CCDC38: variants seen among roughly 807,000 people sequenced by gnomAD.
CCDC38 encodes the protein coiled-coil domain-containing protein 38.
A neutral mutation model predicts 72.8 loss-of-function variants in CCDC38; 69 were observed. That is an observed-to-expected ratio of 0.95 (90% CI 0.78 to 1.16). The LOEUF (loss-of-function observed/expected upper bound fraction) is 1.16, where lower values mean the gene tolerates loss of function less well. CCDC38 is among the 50% of genes most tolerant of loss of function. CCDC38 has a pLI of 0.00. For synonymous variants in CCDC38, 201 were observed against 213.2 expected (o/e 0.94, Z 0.50); for missense variants, 626 against 638.9 (o/e 0.98, Z 0.22).
At chr12:95,941,338 T>C (rs899218205) in intron 1 of CCDC38, among the ~76,000 whole-genome samples, 3 of 152,218 alleles carry the variant, frequency 2.0e-5, no homozygotes, top group African/African-American at 7.2e-5. Context: ...AACACACGAA[T>C]AATAGTAATA....
chr12:95,931,904 C>T (rs539818779), intron 2 of CCDC38, among the ~76,000 whole-genome samples: 1 of 152,106 alleles, frequency 6.6e-6, no homozygotes, highest in Non-Finnish European at 1.5e-5. Flanking sequence ...AAGTGGATAT[C>T]TGAGGAAGAG....
At chr12:95,916,067 T>C (rs1441144579) in intron 4 of CCDC38, among the ~76,000 whole-genome samples, 2 of 152,234 alleles carry the variant, frequency 1.3e-5, no homozygotes, top group African/African-American at 4.8e-5. Flanking sequence ...GTAAATGCTC[T>C]TGATGACCTA....
At chr12:95,881,001 A>C (rs1199311415) in intron 11 of CCDC38, among the ~76,000 whole-genome samples, 2 of 152,090 alleles carry the variant, frequency 1.3e-5, no homozygotes, top group Admixed American at 6.5e-5. Context: ...ATTTTTTAAA[A>C]AGATGACTTG....
chr12:95,887,037 T>A (rs2079767577), intron 10 of CCDC38, among the ~76,000 whole-genome samples: 1 of 152,068 alleles, frequency 6.6e-6, no homozygotes, highest in Non-Finnish European at 1.5e-5. Flanking sequence ...TAACAAAAAT[T>A]AGCTGGGCGT....
At chr12:95,878,753 CTA>C (rs2079665427) in intron 12 of CCDC38, among the ~76,000 whole-genome samples, 1 of 152,120 alleles carries the variant, frequency 6.6e-6, no homozygotes, top group South Asian at 2.1e-4. Context: ...GAGATAGATT[CTA>C]TATATCCCCC....
chr12:95,887,240 A>G (rs756513082), intron 10 of CCDC38, among the ~76,000 whole-genome samples: 1 of 152,112 alleles, frequency 6.6e-6, no homozygotes, highest in Non-Finnish European at 1.5e-5. Context: ...TCTACCATCC[A>G]ATCAGGCATT....
chr12:95,905,628 T>C (rs2079993232), intron 5 of CCDC38, among the ~76,000 whole-genome samples: 1 of 152,258 alleles, frequency 6.6e-6, no homozygotes, highest in Admixed American at 6.5e-5. Flanking sequence ...AGTACATTGT[T>C]ATTTACTCAT....
chr12:95,886,911 G>A (rs7967071), intron 10 of CCDC38, among the ~76,000 whole-genome samples: 19,734 of 152,210 alleles, frequency 0.13, 1,472 homozygotes, highest in South Asian at 0.25. Flanking sequence ...GCGGCCGGGC[G>A]TGGTGGCTCA....
intron 13 of CCDC38, among the ~76,000 whole-genome samples, chr12:95,874,617 T>C (rs2079616542): frequency 6.6e-6 from 1 of 152,092 alleles, no homozygotes. Context: ...GGAAGGGAAG[T>C]TTCAGCCCCA....
At chr12:95,883,295 T>G (rs574844301) in intron 10 of CCDC38, among the ~76,000 whole-genome samples, 4 of 152,324 alleles carry the variant, frequency 2.6e-5, no homozygotes, top group Middle Eastern at 3.4e-3. Context: ...GTCACACTCT[T>G]GTTTAAAACA....
chr12:95,908,288 C>G (rs1247961073), intron 4 of CCDC38, among the ~76,000 whole-genome samples: 1 of 151,140 alleles, frequency 6.6e-6, no homozygotes, highest in East Asian at 2.0e-4. Context: ...AGCGAAACCC[C>G]GTCTCCACCC....
chr12:95,904,242 TA>T (rs1565954793), intron 5 of CCDC38, among the ~76,000 whole-genome samples: 1 of 152,156 alleles, frequency 6.6e-6, no homozygotes, highest in Admixed American at 6.5e-5. Flanking sequence ...CTGCTATAAA[TA>T]AAAAAATAAA....
At chr12:95,890,976 G>GA (rs375989913) in intron 8 of CCDC38, 46 bp from the exon 9 acceptor site, 7 of 1,053,194 alleles carry the variant, frequency 6.6e-6, no homozygotes, top group Admixed American at 1.8e-5. Flanking sequence ...AAGATGGGGG[G>GA]AAAAAAACAC....
At chr12:95,906,954 G>T (rs2080010729) in intron 4 of CCDC38, among the ~76,000 whole-genome samples, 1 of 151,050 alleles carries the variant, frequency 6.6e-6, no homozygotes, top group South Asian at 2.1e-4. Flanking sequence ...GGTTTTCCTA[G>T]GCAGAGGACC....
chr12:95,872,130 T>C (rs1182901334), intron 14 of CCDC38, 125 bp downstream of exon 14: 2 of 796,432 alleles, frequency 2.5e-6, no homozygotes, highest in Non-Finnish European at 4.2e-6. Context: ...AGAGCAGGGC[T>C]GGATTTCATT....
At chr12:95,892,232 CAAAT>C (rs2079835560) in intron 8 of CCDC38, among the ~76,000 whole-genome samples, 1 of 150,010 alleles carries the variant, frequency 6.7e-6, no homozygotes, top group South Asian at 2.1e-4. Flanking sequence ...GTTGAAAGTG[CAAAT>C]CATCCCCTTT....
rs2079817313 is a variant in CCDC38, at chr12:95,890,841, C to G, written c.862G>C (p.Asp288His). ...VLSEDASQGRDSQGKPSRSLT... is the reference protein window; with the variant it reads ...VLSEDASQGRHSQGKPSRSLT... ...CCAAATCTACCTTTACCTTGGCTGT[C>G]TCTTCCCTGAGAAGCATCTTCTGAA... is the stretch of plus-strand genomic sequence containing the variant. The change falls in exon 9 of 16, where the codon GAC becomes CAC. Residue 288 changes from aspartate to histidine, a missense_variant. Coordinates refer to ENST00000344280, the MANE Select transcript of CCDC38 (RefSeq NM_182496.3). 2 of 1,595,430 alleles carry G rather than the reference C, an allele frequency of 1.3e-6. No homozygotes were observed. The highest frequency in any genetic ancestry group is 1.7e-6 in the Non-Finnish European group (2 of 1,165,342).
intron 4 of CCDC38, among the ~76,000 whole-genome samples, chr12:95,908,779 T>C (rs921100858): frequency 4.6e-5 from 7 of 151,792 alleles, no homozygotes; most frequent in South Asian, 2.1e-4. Context: ...GTTTGGCCAA[T>C]CTACACATAC....
At chr12:95,943,135 C>T (rs2080471659), upstream of CCDC38, among the ~76,000 whole-genome samples, 1 of 152,266 alleles carries the variant, frequency 6.6e-6, no homozygotes, top group South Asian at 2.1e-4. Context: ...CACTAGTCTC[C>T]ATCTCGTTTA....
Sources: gnomAD v4.1 joint callset for allele counts (sites outside exome capture counted in the v4.1 genomes callset) on GRCh38, gnomAD v4.1.1 for gene constraint, MANE v1.5 for transcripts, NCBI Gene and HGNC (gene_info 2026-07-23, HGNC 2026-07-21) for gene names.